The following DACH1 variants were observed in gnomAD, a reference collection of about 807,000 sequenced individuals.
DACH1 encodes the protein dachshund homolog 1.
Under a neutral mutation model 54.2 loss-of-function variants are expected in DACH1, and 12 were observed. The observed-to-expected ratio is 0.22, with a 90% CI of 0.14 to 0.36. The LOEUF (loss-of-function observed/expected upper bound fraction) is 0.36. DACH1 is among the 10% of genes least tolerant of loss of function. The pLI is 1.00. For missense variants in DACH1, 805 were observed against 929.8 expected (o/e 0.87, Z 1.75); for synonymous variants, 386 against 366.2 (o/e 1.05, Z -0.62).
intron 2 of DACH1, among the ~76,000 whole-genome samples, chr13:71,671,049 A>T (rs1880176972): frequency 6.6e-6 from 1 of 152,034 alleles, no homozygotes; most frequent in African/African-American, 2.4e-5. Flanking sequence ...TTTCATTTAA[A>T]TATCTTTAGG....
chr13:71,534,562 T>C (rs541636334), intron 6 of DACH1, among the ~76,000 whole-genome samples: 1 of 151,874 alleles, frequency 6.6e-6, no homozygotes, highest in Admixed American at 6.6e-5. Context: ...GACAATGTTT[T>C]GATGATGCCC....
At chr13:71,861,750 T>G (rs533270904) in intron 1 of DACH1, among the ~76,000 whole-genome samples, 10 of 152,018 alleles carry the variant, frequency 6.6e-5, no homozygotes, top group African/African-American at 2.2e-4. Flanking sequence ...AATTTCTCTG[T>G]GCCAAGTATT....
chr13:71,758,673 C>T (rs1407381275), intron 1 of DACH1, among the ~76,000 whole-genome samples: 1 of 152,126 alleles, frequency 6.6e-6, no homozygotes, highest in Non-Finnish European at 1.5e-5. Flanking sequence ...TACATCTGAA[C>T]ACAAATATGT....
intron 6 of DACH1, among the ~76,000 whole-genome samples, chr13:71,500,355 T>A (rs550864892): frequency 1.9e-4 from 29 of 152,244 alleles, no homozygotes; most frequent in African/African-American, 6.5e-4. Flanking sequence ...CCTGTTCTCT[T>A]CTTATCAGCT....
intron 1 of DACH1, among the ~76,000 whole-genome samples, chr13:71,756,696 T>C (rs1332271094): frequency 6.6e-6 from 1 of 152,168 alleles, no homozygotes; most frequent in Non-Finnish European, 1.5e-5. Flanking sequence ...ATAATTATAA[T>C]ACAAAACAAT....
chr13:71,810,651 A>G (rs2138149492), intron 1 of DACH1, among the ~76,000 whole-genome samples: 1 of 152,294 alleles, frequency 6.6e-6, no homozygotes, highest in Middle Eastern at 3.4e-3. Context: ...TAAAGAAAAA[A>G]TGGATTGATT....
intron 1 of DACH1, among the ~76,000 whole-genome samples, chr13:71,849,118 G>T (rs1424495345): frequency 1.3e-5 from 2 of 148,832 alleles, no homozygotes; most frequent in African/African-American, 2.5e-5. Flanking sequence ...ATAACATAAT[G>T]ATATTTTTGT....
chr13:71,700,544 C>A (rs888192756), intron 1 of DACH1, among the ~76,000 whole-genome samples: 88 of 116,242 alleles, frequency 7.6e-4, no homozygotes, highest in Admixed American at 1.5e-3. Flanking sequence ...TGACACACAG[C>A]AAGACTGCAA....
chr13:71,730,704 T>C (rs1883702849), intron 1 of DACH1, among the ~76,000 whole-genome samples: 1 of 152,200 alleles, frequency 6.6e-6, no homozygotes, highest in Non-Finnish European at 1.5e-5. Flanking sequence ...TTATGTACTT[T>C]GTTGTGCACC....
chr13:71,646,161 G>C (rs1451877611), intron 2 of DACH1, among the ~76,000 whole-genome samples: 1 of 151,772 alleles, frequency 6.6e-6, no homozygotes, highest in Non-Finnish European at 1.5e-5. Flanking sequence ...CATGGTAAAA[G>C]TCCCATCTCT....
chr13:71,600,955 T>C (rs1271726101), intron 3 of DACH1, among the ~76,000 whole-genome samples: 1 of 151,774 alleles, frequency 6.6e-6, no homozygotes, highest in Non-Finnish European at 1.5e-5. Context: ...TTTTTTTTAA[T>C]CTCTCCAGAA....
chr13:71,479,463 A>T (rs1244002809), intron 7 of DACH1, 147 bp from the exon 8 acceptor site: 4 of 650,948 alleles, frequency 6.1e-6, no homozygotes, highest in Non-Finnish European at 9.8e-6. Flanking sequence ...AACAAATACT[A>T]TAACTAAAGC....
At chr13:71,508,804 T>C (rs963742979) in intron 6 of DACH1, among the ~76,000 whole-genome samples, 2 of 152,132 alleles carry the variant, frequency 1.3e-5, no homozygotes, top group Non-Finnish European at 2.9e-5. Flanking sequence ...GGCTGTAGTT[T>C]GAGTTTATCT....
rs540202532 is a variant in DACH1, at chr13:71,651,927, TACTC to T, written c.965-21214_965-21211del. 2.6e-5 allele frequency among the ~76,000 whole-genome samples: 4 copies of T among 152,306 alleles called. No homozygotes were observed. In the East Asian group the frequency reaches 7.7e-4, roughly 29 times the overall value. On this transcript the variant is annotated intron_variant, in intron 2 of 10. Coordinates refer to ENST00000613252, the MANE Select transcript of DACH1 (RefSeq NM_080759.6). Reference sequence around the variant, plus strand: ...TGTTTGTGACACAGACAGCATGTCTTACTCAATACTTTATTCCAGCTCCTAGAGA... The same window carrying T: ...TGTTTGTGACACAGACAGCATGTCTTAATACTTTATTCCAGCTCCTAGAGA...
chr13:71,864,180 TACACACAC>T (rs55651625), intron 1 of DACH1, among the ~76,000 whole-genome samples: 4 of 108,426 alleles, frequency 3.7e-5, no homozygotes, highest in African/African-American at 1.1e-4. Context: ...CGCGCGCACA[TACACACAC>T]ACACACACAC....
At chr13:71,758,299 G>C (rs9572779) in intron 1 of DACH1, among the ~76,000 whole-genome samples, 22,720 of 152,100 alleles carry the variant, frequency 0.15, 2,641 homozygotes, top group East Asian at 0.58. Context: ...TTATGTAAAA[G>C]ACTGACAAAA....
chr13:71,762,623 C>T (rs191328366), intron 1 of DACH1, among the ~76,000 whole-genome samples: 42 of 151,598 alleles, frequency 2.8e-4, no homozygotes, highest in Admixed American at 7.9e-4. Context: ...AAAATTTACC[C>T]GGGCATGGTG....
chr13:71,861,217 GA>G (rs1202371605), intron 1 of DACH1, among the ~76,000 whole-genome samples: 2 of 151,998 alleles, frequency 1.3e-5, no homozygotes, highest in South Asian at 2.1e-4. Flanking sequence ...TTTTCTAGAG[GA>G]AAAAAGCCTG....
chr13:71,756,334 C>T (rs1266874646), intron 1 of DACH1, among the ~76,000 whole-genome samples: 4 of 152,070 alleles, frequency 2.6e-5, no homozygotes, highest in Middle Eastern at 3.4e-3. Context: ...TGTGAGCCAC[C>T]GCACCCGGCC....
Sources: gnomAD v4.1 joint callset for allele counts (sites outside exome capture counted in the v4.1 genomes callset) on GRCh38, gnomAD v4.1.1 for gene constraint, MANE v1.5 for transcripts, NCBI Gene and HGNC (gene_info 2026-07-23, HGNC 2026-07-21) for gene names.